SORCS3: variants seen among roughly 807,000 people sequenced by gnomAD.
SORCS3 encodes the protein sortilin related VPS10 domain containing receptor 3.
Under a neutral mutation model 146.3 loss-of-function variants are expected in SORCS3, and 57 were observed. The ratio of observed to expected loss-of-function variants is 0.39; its 90% CI spans 0.31 to 0.49. The LOEUF is 0.49. Ranked by LOEUF, SORCS3 falls within the 20% of genes least tolerant of loss-of-function variation. SORCS3 has a pLI of 0.92. For missense variants in SORCS3, 1,341 were observed against 1,575.5 expected (o/e 0.85, Z 2.52); for synonymous variants, 653 against 618.5 (o/e 1.06, Z -0.83).
chr10:105,125,297 T>A (rs2055965721), intron 7 of SORCS3, among the ~76,000 whole-genome samples: 1 of 152,214 alleles, frequency 6.6e-6, no homozygotes, highest in South Asian at 2.1e-4. Flanking sequence ...ATTACATTAG[T>A]AGTAACAACT....
intron 1 of SORCS3, among the ~76,000 whole-genome samples, chr10:104,841,344 A>G (rs1292035467): frequency 6.6e-6 from 1 of 152,164 alleles, no homozygotes; most frequent in Non-Finnish European, 1.5e-5. Context: ...GGTGTGTGCT[A>G]TTAATACATA....
chr10:105,139,938 C>T (rs1023048305), intron 8 of SORCS3, among the ~76,000 whole-genome samples: 2 of 152,168 alleles, frequency 1.3e-5, no homozygotes, highest in African/African-American at 2.4e-5. Context: ...TATGTTTCTA[C>T]TCCCCCTGCC....
intron 3 of SORCS3, among the ~76,000 whole-genome samples, chr10:104,963,565 A>G (rs2054809462): frequency 1.3e-5 from 2 of 151,806 alleles, no homozygotes; most frequent in African/African-American, 4.8e-5. Context: ...ACTCTCTTTT[A>G]TCTGTATTTG....
intron 5 of SORCS3, among the ~76,000 whole-genome samples, chr10:105,075,694 A>C (rs1397425923): frequency 3.9e-5 from 6 of 152,176 alleles, no homozygotes; most frequent in African/African-American, 1.4e-4. Flanking sequence ...AACAATCAAC[A>C]GTGTAACAGC....
At chr10:105,233,854 G>A (rs1486334343) in intron 20 of SORCS3, among the ~76,000 whole-genome samples, 1 of 152,168 alleles carries the variant, frequency 6.6e-6, no homozygotes, top group African/African-American at 2.4e-5. Context: ...ATTGTGAACA[G>A]TGCCACAATA....
intron 2 of SORCS3, among the ~76,000 whole-genome samples, chr10:104,857,394 G>A (rs753430448): frequency 2.5e-4 from 38 of 152,124 alleles, no homozygotes; most frequent in Non-Finnish European, 4.6e-4. Flanking sequence ...GGGTGATTTA[G>A]TATGGGGAGA....
intron 2 of SORCS3, among the ~76,000 whole-genome samples, chr10:104,880,023 C>T (rs1429669420): frequency 6.6e-6 from 1 of 152,130 alleles, no homozygotes; most frequent in South Asian, 2.1e-4. Flanking sequence ...CTCTCAGGAC[C>T]CAATCCACTT....
At chr10:105,248,744 T>C (rs1433605453) in intron 22 of SORCS3, among the ~76,000 whole-genome samples, 3 of 149,514 alleles carry the variant, frequency 2.0e-5, no homozygotes, top group Non-Finnish European at 3.0e-5. Context: ...GTACAACATA[T>C]TTGGGAAATG....
intron 1 of SORCS3, among the ~76,000 whole-genome samples, chr10:104,792,276 C>T (rs2017503824): frequency 6.6e-6 from 1 of 152,180 alleles, no homozygotes; most frequent in Non-Finnish European, 1.5e-5. Flanking sequence ...TGGTAGATGT[C>T]TCTGGGCAGT....
At chr10:105,135,951 G>C (rs754474317) in intron 7 of SORCS3, among the ~76,000 whole-genome samples, 4 of 151,972 alleles carry the variant, frequency 2.6e-5, no homozygotes, top group Non-Finnish European at 5.9e-5. Context: ...TCTGAAGAAG[G>C]GTCCTCACCA....
chr10:104,980,088 T>A (rs562095296), intron 4 of SORCS3, among the ~76,000 whole-genome samples: 2 of 152,348 alleles, frequency 1.3e-5, no homozygotes, highest in East Asian at 3.9e-4. Context: ...AGTACCCTTA[T>A]GGATATAATG....
At chr10:104,832,785 A>G (rs935935218) in intron 1 of SORCS3, among the ~76,000 whole-genome samples, 3 of 152,232 alleles carry the variant, frequency 2.0e-5, no homozygotes, top group African/African-American at 7.2e-5. Flanking sequence ...TCTTGGTGAC[A>G]GTTCCCTCCT....
At chr10:105,228,334 C>T (rs2056746061) in intron 20 of SORCS3, among the ~76,000 whole-genome samples, 2 of 151,442 alleles carry the variant, frequency 1.3e-5, no homozygotes, top group Non-Finnish European at 2.9e-5. Flanking sequence ...TCACTCCCTC[C>T]ATCCCTCCTT....
intron 2 of SORCS3, among the ~76,000 whole-genome samples, chr10:104,890,429 T>C (rs2018738376): frequency 6.6e-6 from 1 of 152,190 alleles, no homozygotes; most frequent in East Asian, 1.9e-4. Flanking sequence ...TCTATTGCTG[T>C]GTTTTCAATT....
At chr10:104,879,935 C>G (rs147959407) in intron 2 of SORCS3, among the ~76,000 whole-genome samples, 68 of 152,280 alleles carry the variant, frequency 4.5e-4, no homozygotes, top group African/African-American at 1.6e-3. Context: ...AATCCCCCAC[C>G]TCTTTCTCAG....
At chr10:104,713,341 C>G (rs2016440962) in intron 1 of SORCS3, among the ~76,000 whole-genome samples, 2 of 152,118 alleles carry the variant, frequency 1.3e-5, no homozygotes, top group African/African-American at 4.8e-5. Flanking sequence ...CTCCTGTAAA[C>G]CTGAGGGAAA....
In SORCS3 at chr10:104,721,457, C is replaced by T. The variant is rs181479303; in HGVS notation, c.627+79503C>T. ...TTGGCTTAGGATTGACTTGGCAATG[C>T]GGGCTCTTTTTTGGTTCCATATGAA... On this transcript the variant is annotated intron_variant, in intron 1 of 26. Transcript: ENST00000369701. Among the ~76,000 whole-genome samples, 1,091 of 152,156 alleles carry T rather than the reference C, an allele frequency of 7.2e-3. 12 individuals carry two copies. Among genetic ancestry groups the T allele is most frequent in the African/African-American group, 0.024 (1,009 of 41,538 alleles).
intron 5 of SORCS3, among the ~76,000 whole-genome samples, chr10:105,066,987 T>G (rs549198876): frequency 1.3e-5 from 2 of 152,320 alleles, no homozygotes; most frequent in South Asian, 4.1e-4. Flanking sequence ...TGTACCTTCT[T>G]TATGAACTTA....
chr10:104,748,808 G>A (rs1454404821), intron 1 of SORCS3, among the ~76,000 whole-genome samples: 3 of 152,196 alleles, frequency 2.0e-5, no homozygotes, highest in African/African-American at 2.4e-5. Flanking sequence ...AGCTGAGATC[G>A]TGCCATTGCA....
Sources: gnomAD v4.1 joint callset for allele counts (sites outside exome capture counted in the v4.1 genomes callset) on GRCh38, gnomAD v4.1.1 for gene constraint, MANE v1.5 for transcripts, NCBI Gene and HGNC (gene_info 2026-07-23, HGNC 2026-07-21) for gene names.